Variants in WSCD2 observed in about 807,000 individuals in gnomAD.
The protein encoded by WSCD2 is sialate:O-sulfotransferase 2.
In WSCD2, 28 loss-of-function variants were observed where a neutral mutation model predicts 55.7. The ratio of observed to expected loss-of-function variants is 0.50; its 90% CI spans 0.37 to 0.69. The LOEUF (loss-of-function observed/expected upper bound fraction) is 0.69. Ranked by LOEUF, WSCD2 falls within the 30% of genes least tolerant of loss-of-function variation. WSCD2 has a pLI of 0.00. For missense variants in WSCD2, 616 were observed against 762.1 expected, an observed-to-expected ratio of 0.81 and a Z score of 2.26; for synonymous variants, 301 against 301.9, an observed-to-expected ratio of 1.00 and a Z score of 0.03.
At chr12:108,134,589 T>G (rs1474148743) in intron 1 of WSCD2, among the ~76,000 whole-genome samples, 3 of 152,124 alleles carry the variant, frequency 2.0e-5, no homozygotes, top group Non-Finnish European at 4.4e-5. Flanking sequence ...GTTTTCTGGT[T>G]GTTTGTTACA....
At chr12:108,187,998 A>G (rs550314244) in intron 1 of WSCD2, among the ~76,000 whole-genome samples, 10 of 152,220 alleles carry the variant, frequency 6.6e-5, no homozygotes, top group Non-Finnish European at 1.3e-4. Context: ...TTACCCAGAT[A>G]AACAAAATTT....
In WSCD2 at chr12:108,240,408, C is replaced by T. The variant is rs1306792625; in HGVS notation, c.1209C>T (p.Ser403=). The T allele has an allele frequency of 6.2e-7, 1 of 1,614,170 alleles. No individual in the cohort carries two copies. Among genetic ancestry groups the T allele is most frequent in the Non-Finnish European group, 8.5e-7 (1 of 1,180,044 alleles). The change falls in exon 8 of 9, where the codon AGC becomes AGT. Residue 403 remains serine, a synonymous_variant. Coordinates refer to ENST00000547525, the MANE Select transcript of WSCD2 (RefSeq NM_014653.4). ...CCATCTGCATCAAGACGCACGAAAG[C>T]GGCCAGAAAGAGATCGAGGCCTTCG... ...GRTICIKTHE[S]GQKEIEAFDA...
intron 1 of WSCD2, among the ~76,000 whole-genome samples, chr12:108,193,932 G>A (rs776353052): frequency 6.6e-6 from 1 of 152,202 alleles, no homozygotes; most frequent in African/African-American, 2.4e-5. Context: ...ACAGTTAAAT[G>A]CCCACACTAC....
In WSCD2 at chr12:108,195,585, C is replaced by T; in HGVS notation, c.-248C>T. The T allele has an allele frequency of 1.9e-6, 1 of 537,302 alleles. No homozygotes were observed. The highest frequency in any genetic ancestry group is 3.2e-6 in the Non-Finnish European group (1 of 308,988). 33.3% of individuals were successfully genotyped at this position (537,302 alleles called of 1,614,324 possible). A position where few individuals can be genotyped will look rare whatever the true frequency, so the allele number is the denominator to read the frequency against. On this transcript the variant is annotated 5_prime_UTR_variant, in exon 2 of 9. Transcript: ENST00000547525. ...ATGTGTGTTCTGAGCCTCAAAACCC[C>T]CTTGTTGGCCCAAAGAAGCTCACCT...
intron 1 of WSCD2, among the ~76,000 whole-genome samples, chr12:108,183,081 A>G (rs1369653201): frequency 1.3e-5 from 2 of 152,190 alleles, no homozygotes; most frequent in South Asian, 4.1e-4. Flanking sequence ...CAACCACCCT[A>G]CAATGCACAG....
At chr12:108,180,777 G>A (rs1222742006) in intron 1 of WSCD2, among the ~76,000 whole-genome samples, 1 of 152,198 alleles carries the variant, frequency 6.6e-6, no homozygotes, top group Non-Finnish European at 1.5e-5. Context: ...AGGGTGCAAG[G>A]CAAAATGAAA....
chr12:108,153,387 A>G (rs1012778154), intron 1 of WSCD2, among the ~76,000 whole-genome samples: 12 of 152,280 alleles, frequency 7.9e-5, no homozygotes, highest in Middle Eastern at 3.4e-3. Flanking sequence ...AGGGTTTTAG[A>G]CTCAGCCTCC....
intron 1 of WSCD2, among the ~76,000 whole-genome samples, chr12:108,147,166 T>C (rs1402728858): frequency 2.6e-5 from 4 of 152,206 alleles, no homozygotes; most frequent in African/African-American, 9.6e-5. Flanking sequence ...GAAGCTCTGA[T>C]GCCCACCTGC....
intron 1 of WSCD2, among the ~76,000 whole-genome samples, chr12:108,163,377 T>TA (rs1234385303): frequency 2.2e-4 from 34 of 151,994 alleles, no homozygotes; most frequent in Non-Finnish European, 3.7e-4. Flanking sequence ...TCAAAAAAAA[T>TA]AAAAATTAAA....
rs768544893 is a variant in WSCD2 at position 108,248,243 on chromosome 12, C to T, written c.1598C>T (p.Ala533Val). 12 of 1,614,078 alleles carry T rather than the reference C, an allele frequency of 7.4e-6. No homozygotes were observed. The highest frequency in any genetic ancestry group is 6.7e-5 in the Admixed American group (4 of 60,010). ...AAGCTCGAGTATGACCCCTATACTG[C>T]GGACATGCAGAAGACCATCTCTGCC... ...LRKLEYDPYT[A>V]DMQKTISAYI... is the part of the protein sequence containing the mutation. The change falls in exon 9 of 9, where the codon GCG becomes GTG. Residue 533 changes from alanine (A) to valine (V), a missense_variant. This residue lies in a region of WSCD2 where 234 missense variants were observed against 264.6 expected (regional missense o/e 0.88). Transcript: ENST00000547525. The surrounding 1 kb of genome is among the most constrained non-coding windows in gnomAD (Gnocchi z 4.3).
intron 7 of WSCD2, among the ~76,000 whole-genome samples, chr12:108,235,569 T>C (rs1159922334): frequency 6.6e-6 from 1 of 152,206 alleles, no homozygotes; most frequent in East Asian, 1.9e-4. Flanking sequence ...CTGTGTTTGT[T>C]AATACTCTAG....
chr12:108,142,567 T>C (rs1311459360), intron 1 of WSCD2, among the ~76,000 whole-genome samples: 2 of 152,206 alleles, frequency 1.3e-5, no homozygotes, highest in Non-Finnish European at 2.9e-5. Flanking sequence ...TATACATGAG[T>C]AAAATAGAAA....
chr12:108,219,563 GC>G (rs1294211905), intron 4 of WSCD2, among the ~76,000 whole-genome samples: 13 of 152,160 alleles, frequency 8.5e-5, no homozygotes, highest in African/African-American at 3.1e-4. Flanking sequence ...AGCCTCTCCT[GC>G]CCCCATTAAT....
At chr12:108,182,513 GGAGA>G (rs1221198118) in intron 1 of WSCD2, among the ~76,000 whole-genome samples, 1 of 152,202 alleles carries the variant, frequency 6.6e-6, no homozygotes, top group Non-Finnish European at 1.5e-5. Flanking sequence ...GATATGCCCA[GGAGA>G]GAGGTCTGTG....
At chr12:108,136,605 A>G (rs778410375) in intron 1 of WSCD2, among the ~76,000 whole-genome samples, 4 of 152,100 alleles carry the variant, frequency 2.6e-5, no homozygotes, top group African/African-American at 7.2e-5. Flanking sequence ...CCTGTGAGTT[A>G]AGGGACCCCA....
chr12:108,183,145 G>A (rs1489093734), intron 1 of WSCD2, among the ~76,000 whole-genome samples: 1 of 152,206 alleles, frequency 6.6e-6, no homozygotes, highest in African/African-American at 2.4e-5. Flanking sequence ...CACTGATGAT[G>A]AGAAACTCTG....
chr12:108,132,443 CAT>C (rs1324744829), intron 1 of WSCD2, among the ~76,000 whole-genome samples: 2 of 152,224 alleles, frequency 1.3e-5, no homozygotes, highest in South Asian at 2.1e-4. Flanking sequence ...TGTGTGCACT[CAT>C]GAGATAGTGT....
chr12:108,150,695 G>A (rs1877897895), intron 1 of WSCD2, among the ~76,000 whole-genome samples: 1 of 152,118 alleles, frequency 6.6e-6, no homozygotes, highest in Non-Finnish European at 1.5e-5. Flanking sequence ...CTTGGGAATG[G>A]ATCCACTTTG....
At chr12:108,138,752 T>C (rs1383988545) in intron 1 of WSCD2, among the ~76,000 whole-genome samples, 1 of 152,272 alleles carries the variant, frequency 6.6e-6, no homozygotes, top group Admixed American at 6.5e-5. Flanking sequence ...TTCAGCTTCC[T>C]CTGCCATGAA....
Sources: gnomAD v4.1 joint callset for allele counts (sites outside exome capture counted in the v4.1 genomes callset) on GRCh38, gnomAD v4.1.1 for gene constraint, gnomAD v4.1.1 regional missense constraint, Gnocchi (gnomAD v3.1) non-coding constraint, MANE v1.5 for transcripts, NCBI Gene and HGNC (gene_info 2026-07-23, HGNC 2026-07-21) for gene names.